The following RFX2 variants were observed in gnomAD, a reference collection of about 807,000 sequenced individuals.
RFX2 encodes regulatory factor X2, also known as DNA-binding protein RFX2.
A neutral mutation model predicts 87.8 loss-of-function variants in RFX2; 20 were observed. The observed-to-expected ratio is 0.23, with a 90% CI of 0.16 to 0.33. The LOEUF (loss-of-function observed/expected upper bound fraction) is 0.33, where lower values mean the gene tolerates loss of function less well. Ranked by LOEUF, RFX2 falls within the 10% of genes least tolerant of loss-of-function variation. The pLI is 1.00. For synonymous variants in RFX2, 397 were observed against 431.3 expected (o/e 0.92, Z 0.98); for missense variants, 767 against 1,012.3 (o/e 0.76, Z 3.29).
chr19:6,000,858 G>C (rs2086481235), intron 15 of RFX2, among the ~76,000 whole-genome samples: 1 of 152,272 alleles, frequency 6.6e-6, no homozygotes, highest in African/African-American at 2.4e-5. Flanking sequence ...CATGCGCTGG[G>C]TCACGTGGGG....
In RFX2 at chr19:6,016,358, G is replaced by A. The variant is rs185011950; in HGVS notation, c.598-87C>T. On this transcript the variant is annotated intron_variant, in intron 6 of 17. Coordinates refer to ENST00000303657, the MANE Select transcript of RFX2 (RefSeq NM_000635.4). This position sits in a 1 kb window ranked among gnomAD's most constrained non-coding sequence, Gnocchi z 5.4. ...TGGACTCATTAAGAGAATTACTTGC[G>A]TTCCCTGTGTTACCAAATGGGATGA... The A allele has an allele frequency of 2.1e-5, 18 of 871,038 alleles. No homozygotes were observed. The highest frequency in any genetic ancestry group is 1.7e-4 in the East Asian group (6 of 36,314). 54.0% of individuals were successfully genotyped at this position (871,038 alleles called of 1,614,324 possible). A position where few individuals can be genotyped will look rare whatever the true frequency, so the allele number is the denominator to read the frequency against.
At chr19:6,065,572 G>A (rs564220994) in intron 1 of RFX2, among the ~76,000 whole-genome samples, 40 of 152,208 alleles carry the variant, frequency 2.6e-4, no homozygotes, top group African/African-American at 9.1e-4. Flanking sequence ...GCGTGAACCC[G>A]GGAGGCGGAG....
intron 1 of RFX2, among the ~76,000 whole-genome samples, chr19:6,095,420 G>A (rs17304450): frequency 0.045 from 6,884 of 152,162 alleles, 331 homozygotes; most frequent in South Asian, 0.19. Flanking sequence ...TATCCTCAAG[G>A]GTTTTGCATG....
rs1180197556 is a variant in RFX2 at position 5,994,254 on chromosome 19, G to A, written c.*581C>T. 1 of 152,244 alleles carries A rather than the reference G, an allele frequency of 6.6e-6. No homozygotes were observed. Among genetic ancestry groups the A allele is most frequent in the Non-Finnish European group, 1.5e-5 (1 of 68,090 alleles). The allele number at this position is 152,244 out of a possible 1,614,324, so 9.4% of individuals were successfully genotyped here. A position where few individuals can be genotyped will look rare whatever the true frequency, so the allele number is the denominator to read the frequency against. ...CCGGCAGGGAGGTCTGGATCTAAAA[G>A]GCCACAGGGCGCTGCGCCCAGCTGG... On this transcript the variant is annotated 3_prime_UTR_variant, in exon 18 of 18. Transcript: ENST00000303657.
At chr19:6,102,216 C>T (rs2088138090) in intron 1 of RFX2, among the ~76,000 whole-genome samples, 1 of 152,210 alleles carries the variant, frequency 6.6e-6, no homozygotes, top group Non-Finnish European at 1.5e-5. Flanking sequence ...TCAGACCTTT[C>T]CTCAGCTCCA....
intron 3 of RFX2, among the ~76,000 whole-genome samples, chr19:6,043,424 C>A (rs2087140480): frequency 1.3e-5 from 2 of 152,210 alleles, no homozygotes; most frequent in Admixed American, 1.3e-4. Flanking sequence ...AAGAGCGGTG[C>A]ATTCTCTAGG....
intron 6 of RFX2, among the ~76,000 whole-genome samples, chr19:6,018,501 T>C (rs1292239464): frequency 6.6e-6 from 1 of 151,758 alleles, no homozygotes; most frequent in Non-Finnish European, 1.5e-5. Flanking sequence ...GGTGAAGGGG[T>C]GTGTGGGGCC....
At chr19:6,029,049 A>C (rs2086923440) in intron 5 of RFX2, among the ~76,000 whole-genome samples, 1 of 151,510 alleles carries the variant, frequency 6.6e-6, no homozygotes, top group African/African-American at 2.4e-5. Flanking sequence ...ATTGCACTCC[A>C]GCCTGGCCAA....
intron 1 of RFX2, among the ~76,000 whole-genome samples, chr19:6,082,293 CAA>C (rs34361456): frequency 2.8e-3 from 280 of 99,854 alleles, no homozygotes; most frequent in East Asian, 0.01. Context: ...GACCCTGTCT[CAA>C]AAAAAAAAAA....
At chr19:6,095,434 G>A (rs979026382) in intron 1 of RFX2, among the ~76,000 whole-genome samples, 18 of 152,116 alleles carry the variant, frequency 1.2e-4, no homozygotes, top group African/African-American at 4.3e-4. Context: ...TTGCATGGAT[G>A]GGGTGAGAAA....
chr19:6,047,526 T>C lies in RFX2; in HGVS notation c.-8-22A>G, dbSNP rs529245036. ...AGGTCTAAAGAAAGGCGGAGAGAGA[T>C]TGGGTGGGCAAGGGCTGCAAGCACT... On this transcript the variant is annotated intron_variant, in intron 1 of 17. Coordinates refer to ENST00000303657, the MANE Select transcript of RFX2 (RefSeq NM_000635.4). The surrounding 1 kb of genome is among the most constrained non-coding windows in gnomAD (Gnocchi z 4.2). The C allele has an allele frequency of 9.5e-6, 15 of 1,577,346 alleles. No individual in the cohort carries two copies. In the South Asian group the frequency reaches 1.1e-4, roughly 12 times the overall value.
chr19:6,089,291 A>G (rs752962382), intron 1 of RFX2, among the ~76,000 whole-genome samples: 2 of 152,214 alleles, frequency 1.3e-5, no homozygotes, highest in Non-Finnish European at 2.9e-5. Flanking sequence ...GTGAAGACCA[A>G]CACTCCTGTC....
chr19:6,088,358 T>G (rs1250440147), intron 1 of RFX2, among the ~76,000 whole-genome samples: 1 of 151,886 alleles, frequency 6.6e-6, no homozygotes, highest in Admixed American at 6.6e-5. Flanking sequence ...ATTACAGGCA[T>G]GTGCCACCAT....
intron 1 of RFX2, among the ~76,000 whole-genome samples, chr19:6,091,980 A>C (rs1477787874): frequency 6.6e-6 from 1 of 152,250 alleles, no homozygotes; most frequent in Non-Finnish European, 1.5e-5. Flanking sequence ...TGGAGAATAA[A>C]GGAGCAGGGA....
At chr19:6,100,244 G>T (rs1432941509) in intron 1 of RFX2, among the ~76,000 whole-genome samples, 1 of 152,184 alleles carries the variant, frequency 6.6e-6, no homozygotes, top group Non-Finnish European at 1.5e-5. Context: ...AAGGGAGATG[G>T]GGCTGGACTG....
rs750054520 is a variant in RFX2, at chr19:6,040,154, C to T, written c.348G>A (p.Gln116=). 4 of 1,605,536 alleles carry T rather than the reference C, an allele frequency of 2.5e-6. No individual in the cohort carries two copies. The highest frequency in any genetic ancestry group is 3.4e-6 in the Non-Finnish European group (4 of 1,174,122). ...ASYFEAPGGA[Q]VTVAASSPPA... ...GCGGGGACGAGGCTGCCACGGTCAC[C>T]TGGGCACCGCCTGGGGCCTCGAAGT... Residue 116 remains glutamine (Q), a synonymous_variant, in exon 5 of 18, where the codon CAG becomes CAA. Transcript: ENST00000303657. This position sits in a 1 kb window ranked among gnomAD's most constrained non-coding sequence, Gnocchi z 6.1.
At position 6,013,344 on chromosome 19, in the gene RFX2, C is replaced by T. The variant is rs781094994; in HGVS notation, c.780-239G>A. On this transcript the variant is annotated intron_variant, in intron 7 of 17. Transcript: ENST00000303657. The surrounding 1 kb of genome is among the most constrained non-coding windows in gnomAD (Gnocchi z 4.1). ...GGGATGACAGGCGTGAGCCATAATG[C>T]CTAGCTTATTTTTGTATTTTTAGTG... is the stretch of plus-strand genomic sequence containing the variant. Among the ~76,000 whole-genome samples, 2 of 151,846 alleles carry T rather than the reference C, an allele frequency of 1.3e-5. No individual in the cohort carries two copies. The highest frequency in any genetic ancestry group is 3.2e-3 in the Middle Eastern group (1 of 316).
chr19:6,048,707 T>G (rs58506788), intron 1 of RFX2, among the ~76,000 whole-genome samples: 11,719 of 152,236 alleles, frequency 0.077, 1,333 homozygotes, highest in African/African-American at 0.25. Flanking sequence ...TTATCTCTTA[T>G]AATGAGTGAA....
chr19:6,088,576 T>C (rs763108210), intron 1 of RFX2, among the ~76,000 whole-genome samples: 3 of 152,092 alleles, frequency 2.0e-5, no homozygotes, highest in Non-Finnish European at 4.4e-5. Context: ...TCCTGCAAGA[T>C]GGATGTAGCC....
Sources: gnomAD v4.1 joint callset for allele counts (sites outside exome capture counted in the v4.1 genomes callset) on GRCh38, gnomAD v4.1.1 for gene constraint, Gnocchi (gnomAD v3.1) non-coding constraint, MANE v1.5 for transcripts, NCBI Gene and HGNC (gene_info 2026-07-23, HGNC 2026-07-21) for gene names.